Variants in SOST observed in about 807,000 individuals in gnomAD.
SOST encodes sclerostin.
In SOST, 14 loss-of-function variants were observed where a neutral mutation model predicts 16.7. The ratio of observed to expected loss-of-function variants is 0.84; its 90% CI spans 0.55 to 1.31. The LOEUF is 1.31. SOST is among the 50% of genes most tolerant of loss of function. The pLI, the probability that SOST is intolerant of heterozygous loss-of-function variation, is 0.00. For synonymous variants in SOST, 150 were observed against 140.9 expected, an observed-to-expected ratio of 1.06 and a Z score of -0.46; for missense variants, 291 against 310.7, an observed-to-expected ratio of 0.94 and a Z score of 0.48.
In SOST at chr17:43,755,780, G is replaced by T. The variant is rs1387258461; in HGVS notation, c.221-17C>A. 3 of 1,567,176 alleles carry T rather than the reference G, an allele frequency of 1.9e-6. No individual in the cohort carries two copies. The highest frequency in any genetic ancestry group is 2.6e-6 in the Non-Finnish European group (3 of 1,166,106). On this transcript the variant is annotated splice_polypyrimidine_tract_variant and intron_variant, in intron 1 of 1. Coordinates refer to ENST00000301691, the MANE Select transcript of SOST (RefSeq NM_025237.3). The surrounding 1 kb of genome is among the most constrained non-coding windows in gnomAD (Gnocchi z 4.3). Reference sequence around the variant, plus strand: ...CGGACACGTCTGTGGAGAGAGGCGCGCGTGAGGGTGGCCGCCCGCCTGGCC... The same window carrying T: ...CGGACACGTCTGTGGAGAGAGGCGCTCGTGAGGGTGGCCGCCCGCCTGGCC...
Position 43,758,720 on chromosome 17 carries a change from A to G in SOST, c.22T>C (p.Cys8Arg). Residue 8 changes from cysteine to arginine, a missense_variant, in exon 1 of 2, where the codon TGT becomes CGT. Cys to Arg is a radical substitution (Grantham distance 180). Transcript: ENST00000301691. ...GTGTGTACCAGCAGGCAGACGAGAC[A>G]CAGGGCCAGTGGGAGCTGCATGGTA... MQLPLAL[C>R]LVCLLVHTAF... The G allele has an allele frequency of 6.2e-7, 1 of 1,613,634 alleles. No homozygotes were observed.
Position 43,755,349 on chromosome 17 carries a change from G to C in SOST, c.635C>G (p.Ala212Gly). Reference sequence around the variant, plus strand: ...GAGGGGCGCGGGCGGGCTCTAGTAGGCGTTCTCCAGCTCGGCCTGGTTGGC... The same window carrying C: ...GAGGGGCGCGGGCGGGCTCTAGTAGCCGTTCTCCAGCTCGGCCTGGTTGGC... ...AKANQAELEN[A>G]Y is the part of the protein sequence containing the mutation. The change falls in exon 2 of 2, where the codon GCC (alanine) becomes GGC (glycine). Residue 212 changes from alanine to glycine, a missense_variant. Coordinates refer to ENST00000301691, the MANE Select transcript of SOST (RefSeq NM_025237.3). This position sits in a 1 kb window ranked among gnomAD's most constrained non-coding sequence, Gnocchi z 4.3. 1 of 1,582,402 alleles carries C rather than the reference G, an allele frequency of 6.3e-7. No individual in the cohort carries two copies. The highest frequency in any genetic ancestry group is 8.5e-7 in the Non-Finnish European group (1 of 1,173,444).
In SOST at chr17:43,755,785, AGGGTGGCCGCCCGCCT is replaced by A. The variant is rs1386030834; in HGVS notation, c.221-38_221-23del. ...ACGTCTGTGGAGAGAGGCGCGCGTG[AGGGTGGCCGCCCGCCT>A]GGCCACCCCTGCCCTGGACCGGCCC... On this transcript the variant is annotated intron_variant, in intron 1 of 1. Transcript: ENST00000301691. This position sits in a 1 kb window ranked among gnomAD's most constrained non-coding sequence, Gnocchi z 4.3. 1 of 1,561,612 alleles carries A rather than the reference AGGGTGGCCGCCCGCCT, an allele frequency of 6.4e-7. No homozygotes were observed. The highest frequency in any genetic ancestry group is 1.2e-5 in the South Asian group (1 of 85,968).
chr17:43,754,034 G>T lies in SOST; in HGVS notation c.*1308C>A. On this transcript the variant is annotated 3_prime_UTR_variant, in exon 2 of 2. Transcript: ENST00000301691. ...ATTAAAAACTACACAGAAAGTAAGA[G>T]GTTGTCTGGAAATGATTTTCAAAAA... 1 of 148,554 alleles carries T rather than the reference G, an allele frequency of 6.7e-6. No homozygotes were observed. The highest frequency in any genetic ancestry group is 2.0e-4 in the East Asian group (1 of 5,066). The allele number at this position is 148,554 out of a possible 1,614,324, so 9.2% of individuals were successfully genotyped here.
intron 1 of SOST, 146 bp downstream of exon 1, chr17:43,758,376 C>T: frequency 1.5e-6 from 1 of 686,750 alleles, no homozygotes; most frequent in Non-Finnish European, 2.5e-6. Context: ...TCTTCCCCCA[C>T]CTCCAGGCAA....
Position 43,755,217 on chromosome 17 carries a change from C to A in SOST, c.*125G>T. 9.8e-7 allele frequency: 1 copy of A among 1,017,954 alleles called. No homozygotes were observed. Among genetic ancestry groups the A allele is most frequent in the Non-Finnish European group, 1.4e-6 (1 of 740,338 alleles). 63.1% of individuals were successfully genotyped at this position (1,017,954 alleles called of 1,614,324 possible). Reference sequence around the variant, plus strand: ...CCTCAGGGCCTGGAAGGTCTCAGCCCCCTGCCCTGGGTTGCAGGCATTTAC... The same window carrying A: ...CCTCAGGGCCTGGAAGGTCTCAGCCACCTGCCCTGGGTTGCAGGCATTTAC... On this transcript the variant is annotated 3_prime_UTR_variant, in exon 2 of 2. Transcript: ENST00000301691. The surrounding 1 kb of genome is among the most constrained non-coding windows in gnomAD (Gnocchi z 4.3).
In SOST at chr17:43,755,968, A is replaced by T. The variant is rs1029275517; in HGVS notation, c.221-205T>A. Among the ~76,000 whole-genome samples the T allele has an allele frequency of 2.6e-5, 4 of 152,300 alleles. No homozygotes were observed. The highest frequency in any genetic ancestry group is 9.6e-5 in the African/African-American group (4 of 41,576). ...CACCCTGTCCCCTCGGAGCCAAATG[A>T]CTGCTGGGGTTCAAACACCAGGGCT... is the stretch of plus-strand genomic sequence containing the variant. On this transcript the variant is annotated intron_variant, in intron 1 of 1. Coordinates refer to ENST00000301691, the MANE Select transcript of SOST (RefSeq NM_025237.3). The surrounding 1 kb of genome is among the most constrained non-coding windows in gnomAD (Gnocchi z 4.3).
In SOST at chr17:43,755,474, G is replaced by A; in HGVS notation, c.510C>T (p.Leu170=). The stretch of plus-strand genomic sequence containing the variant: ...GCTCCGACTGGTTGTGGAAGCGGGT[G>A]AGGCGCTTGCACTTGCACGAGGCCA... ...RLVASCKCKR[L]TRFHNQSELK... Residue 170 remains leucine (L), a synonymous_variant, in exon 2 of 2, where the codon CTC becomes CTT. Transcript: ENST00000301691. This position sits in a 1 kb window ranked among gnomAD's most constrained non-coding sequence, Gnocchi z 4.3. The A allele has an allele frequency of 6.3e-7, 1 of 1,597,540 alleles. No homozygotes were observed. Among genetic ancestry groups the A allele is most frequent in the Non-Finnish European group, 8.5e-7 (1 of 1,178,778 alleles).
Position 43,755,706 on chromosome 17 carries a change from G to C in SOST, c.278C>G (p.Pro93Arg), listed in dbSNP as rs1159168815. 6.4e-7 allele frequency: 1 copy of C among 1,567,872 alleles called. No individual in the cohort carries two copies. The highest frequency in any genetic ancestry group is 8.6e-7 in the Non-Finnish European group (1 of 1,165,432). ...LHFTRYVTDG[P>R]CRSAKPVTEL... is the part of the protein sequence containing the mutation. ...GGTGACCGGCTTGGCGCTGCGGCACGGCCCATCGGTCACGTAGCGGGTGAA... is the reference window on the plus strand; with the variant it reads ...GGTGACCGGCTTGGCGCTGCGGCACCGCCCATCGGTCACGTAGCGGGTGAA... The change falls in exon 2 of 2, where the codon CCG becomes CGG. Residue 93 changes from proline (P) to arginine (R), a missense_variant. Transcript: ENST00000301691. The surrounding 1 kb of genome is among the most constrained non-coding windows in gnomAD (Gnocchi z 4.3).
chr17:43,755,822 GGCCCGTCTCTCTCCACCCCA>G lies in SOST; in HGVS notation c.221-79_221-60del. 1 of 1,519,760 alleles carries G rather than the reference GGCCCGTCTCTCTCCACCCCA, an allele frequency of 6.6e-7. No individual in the cohort carries two copies. Among genetic ancestry groups the G allele is most frequent in the South Asian group, 1.2e-5 (1 of 82,750 alleles). The allele number at this position is 1,519,760 out of a possible 1,614,324, so 94.1% of individuals were successfully genotyped here. Reference sequence around the variant, plus strand: ...CGCCTGGCCACCCCTGCCCTGGACCGGCCCGTCTCTCTCCACCCCAGCCCTGCTTTTGCCAAGCCTGTCTC... The same window carrying G: ...CGCCTGGCCACCCCTGCCCTGGACCGGCCCTGCTTTTGCCAAGCCTGTCTC... On this transcript the variant is annotated intron_variant, in intron 1 of 1. Coordinates refer to ENST00000301691, the MANE Select transcript of SOST (RefSeq NM_025237.3). This position sits in a 1 kb window ranked among gnomAD's most constrained non-coding sequence, Gnocchi z 4.3.
At position 43,755,695 on chromosome 17, in the gene SOST, C is replaced by A. The variant is rs1401026410; in HGVS notation, c.289G>T (p.Ala97Ser). ...RYVTDGPCRS[A>S]KPVTELVCSG... ...CACACCAGCTCGGTGACCGGCTTGG[C>A]GCTGCGGCACGGCCCATCGGTCACG... The change falls in exon 2 of 2, where the codon GCC (alanine) becomes TCC (serine). Residue 97 changes from alanine (A) to serine (S), a missense_variant. By Grantham distance (99) the Ala-to-Ser change is moderately conservative (BLOSUM62 1). Transcript: ENST00000301691. This position sits in a 1 kb window ranked among gnomAD's most constrained non-coding sequence, Gnocchi z 4.3. 9.0e-6 allele frequency: 14 copies of A among 1,562,488 alleles called. No homozygotes were observed. Among genetic ancestry groups the A allele is most frequent in the Middle Eastern group, 1.7e-4 (1 of 5,806 alleles).
chr17:43,755,575 C>G lies in SOST; in HGVS notation c.409G>C (p.Asp137His), dbSNP rs1485333887. The change falls in exon 2 of 2, where the codon GAC (aspartate) becomes CAC (histidine). Residue 137 changes from aspartate (D) to histidine (H), a missense_variant. By Grantham distance (81) the Asp-to-His change is moderately conservative (BLOSUM62 -1). Transcript: ENST00000301691. This position sits in a 1 kb window ranked among gnomAD's most constrained non-coding sequence, Gnocchi z 4.3. The stretch of plus-strand genomic sequence containing the variant: ...TGCACGCGCTGCGCGCGGTAGCGGT[C>G]GGGGATGCAGCGGAAGTCGGGCCCA... ...PSGPDFRCIP[D>H]RYRAQRVQLL... 2 of 1,593,900 alleles carry G rather than the reference C, an allele frequency of 1.3e-6. No individual in the cohort carries two copies. Among genetic ancestry groups the G allele is most frequent in the Non-Finnish European group, 1.7e-6 (2 of 1,175,940 alleles).
In SOST at chr17:43,755,419, G is replaced by A. The variant is rs754840151; in HGVS notation, c.565C>T (p.Pro189Ser). 32 of 1,593,134 alleles carry A rather than the reference G, an allele frequency of 2.0e-5. No individual in the cohort carries two copies. The highest frequency in any genetic ancestry group is 1.0e-4 in the Admixed American group (6 of 59,756). The change falls in exon 2 of 2, where the codon CCG (proline) becomes TCG (serine). Residue 189 changes from proline (P) to serine (S), a missense_variant. By Grantham distance (74) the Pro-to-Ser change is moderately conservative. Coordinates refer to ENST00000301691, the MANE Select transcript of SOST (RefSeq NM_025237.3). The surrounding 1 kb of genome is among the most constrained non-coding windows in gnomAD (Gnocchi z 4.3). ...LKDFGTEAAR[P>S]QKGRKPRPRA... Reference sequence around the variant, plus strand: ...GGCCGCGGCTTCCGGCCCTTCTGCGGCCGAGCGGCCTCGGTCCCGAAGTCC... The same window carrying A: ...GGCCGCGGCTTCCGGCCCTTCTGCGACCGAGCGGCCTCGGTCCCGAAGTCC...
rs552066454 is a variant in SOST at position 43,755,363 on chromosome 17, G to C, written c.621C>G (p.Ala207=). 6.3e-7 allele frequency: 1 copy of C among 1,586,338 alleles called. No individual in the cohort carries two copies. The highest frequency in any genetic ancestry group is 1.1e-5 in the South Asian group (1 of 89,798). ...PRARSAKANQ[A]ELENAY ...GGCTCTAGTAGGCGTTCTCCAGCTC[G>C]GCCTGGTTGGCTTTGGCGCTCCGGG... The change falls in exon 2 of 2, where the codon GCC becomes GCG. Residue 207 remains alanine, a synonymous_variant. Coordinates refer to ENST00000301691, the MANE Select transcript of SOST (RefSeq NM_025237.3). This position sits in a 1 kb window ranked among gnomAD's most constrained non-coding sequence, Gnocchi z 4.3.
At chr17:43,757,171 C>G (rs1006303469) in intron 1 of SOST, among the ~76,000 whole-genome samples, 9 of 152,192 alleles carry the variant, frequency 5.9e-5, no homozygotes, top group African/African-American at 2.2e-4. Context: ...TGCGGCTTTT[C>G]GAGAATAGCG....
Position 43,754,892 on chromosome 17 carries a change from C to T in SOST, c.*450G>A. On this transcript the variant is annotated 3_prime_UTR_variant, in exon 2 of 2. Transcript: ENST00000301691. The stretch of plus-strand genomic sequence containing the variant: ...GACTAGAAACCACATCTACAGTTGC[C>T]CCCAGTCTTGTGCTCTGGGCACGCC... 1 of 160,802 alleles carries T rather than the reference C, an allele frequency of 6.2e-6. No individual in the cohort carries two copies. Among genetic ancestry groups the T allele is most frequent in the Non-Finnish European group, 1.3e-5 (1 of 74,394 alleles). The allele number at this position is 160,802 out of a possible 1,614,324, so 10.0% of individuals were successfully genotyped here. A position where few individuals can be genotyped will look rare whatever the true frequency, so the allele number is the denominator to read the frequency against.
rs978723299 is a variant in SOST at position 43,755,942 on chromosome 17, G to A, written c.221-179C>T. On this transcript the variant is annotated intron_variant, in intron 1 of 1. Coordinates refer to ENST00000301691, the MANE Select transcript of SOST (RefSeq NM_025237.3). The surrounding 1 kb of genome is among the most constrained non-coding windows in gnomAD (Gnocchi z 4.3). The stretch of plus-strand genomic sequence containing the variant: ...TAGAGCTGGTGGAAAGCTCTCCTGC[G>A]CACCCTGTCCCCTCGGAGCCAAATG... Among the ~76,000 whole-genome samples the A allele has an allele frequency of 2.6e-5, 4 of 152,184 alleles. No individual in the cohort carries two copies. The highest frequency in any genetic ancestry group is 9.7e-5 in the African/African-American group (4 of 41,436).
chr17:43,755,138 C>G lies in SOST; in HGVS notation c.*204G>C. ...GTGACTCTCAATTCCCTCCCCTGCC[C>G]CGTGGGACCCCTCAGCTGGCGGGCT... On this transcript the variant is annotated 3_prime_UTR_variant, in exon 2 of 2. Transcript: ENST00000301691. This position sits in a 1 kb window ranked among gnomAD's most constrained non-coding sequence, Gnocchi z 4.3. The G allele has an allele frequency of 1.9e-6, 1 of 537,380 alleles. No individual in the cohort carries two copies. The highest frequency in any genetic ancestry group is 3.2e-6 in the Non-Finnish European group (1 of 314,612). 33.3% of individuals were successfully genotyped at this position (537,380 alleles called of 1,614,324 possible).
chr17:43,755,172 C>G lies in SOST; in HGVS notation c.*170G>C. ...CCCTCAGCTGGCGGGCTGAGGGGGG[C>G]CTTGCCGGCGCCCGGGATTCCTCAG... is the stretch of plus-strand genomic sequence containing the variant. On this transcript the variant is annotated 3_prime_UTR_variant, in exon 2 of 2. Transcript: ENST00000301691. The surrounding 1 kb of genome is among the most constrained non-coding windows in gnomAD (Gnocchi z 4.3). The G allele has an allele frequency of 1.6e-6, 1 of 628,402 alleles. No homozygotes were observed. The highest frequency in any genetic ancestry group is 3.9e-5 in the Admixed American group (1 of 25,792). 38.9% of individuals were successfully genotyped at this position (628,402 alleles called of 1,614,324 possible).
Sources: allele counts gnomAD v4.1 joint callset (sites outside exome capture counted in the v4.1 genomes callset), GRCh38; gene constraint gnomAD v4.1.1; non-coding constraint Gnocchi (gnomAD v3.1); transcripts MANE v1.5; gene names NCBI Gene and HGNC (gene_info 2026-07-23, HGNC 2026-07-21).